ANK3: variants seen among roughly 807,000 people sequenced by gnomAD.
ANK3 encodes ankyrin 3, also known as ankyrin-3.
ANK3 carries 57 observed loss-of-function variants against 370.9 expected under a neutral mutation model. The observed-to-expected ratio is 0.15, with a 90% CI of 0.12 to 0.19. ANK3 has a LOEUF of 0.19. Ranked by LOEUF, ANK3 falls within the 10% of genes least tolerant of loss-of-function variation. ANK3 has a pLI of 1.00. For synonymous variants in ANK3, 1,929 were observed against 1,946.3 expected (o/e 0.99, Z 0.23); for missense variants, 4,439 against 5,302.1 (o/e 0.84, Z 5.06).
chr10:60,382,228 A>AT (rs2061642240), intron 1 of ANK3, among the ~76,000 whole-genome samples: 1 of 151,874 alleles, frequency 6.6e-6, no homozygotes, highest in Non-Finnish European at 1.5e-5. Context: ...CTATTTCCCC[A>AT]TTTTTTACCA....
chr10:60,269,170 G>C (rs2097923400), intron 5 of ANK3, among the ~76,000 whole-genome samples: 1 of 152,144 alleles, frequency 6.6e-6, no homozygotes, highest in Admixed American at 6.5e-5. Context: ...ATTAGCAATA[G>C]ATATCTGGTG....
intron 43 of ANK3, among the ~76,000 whole-genome samples, chr10:60,041,103 C>T (rs371824227): frequency 7.2e-5 from 11 of 152,234 alleles, no homozygotes; most frequent in African/African-American, 2.6e-4. Flanking sequence ...TTTTATTTAG[C>T]CATCCTCACT....
chr10:60,481,765 C>G (rs2075223592), intron 2 of ANK3, among the ~76,000 whole-genome samples: 1 of 152,060 alleles, frequency 6.6e-6, no homozygotes, highest in Non-Finnish European at 1.5e-5. Flanking sequence ...CACCCGGCCA[C>G]AAGCCAGATA....
intron 28 of ANK3, among the ~76,000 whole-genome samples, chr10:60,094,273 C>T (rs928851065): frequency 7.0e-6 from 1 of 142,720 alleles, no homozygotes; most frequent in African/African-American, 2.6e-5. Flanking sequence ...CTACAATTTT[C>T]ACCTCCCGGA....
chr10:60,272,484 G>T (rs1283860859), intron 4 of ANK3, among the ~76,000 whole-genome samples: 1 of 147,152 alleles, frequency 6.8e-6, no homozygotes, highest in Non-Finnish European at 1.5e-5. Context: ...GTTCTTGTTT[G>T]TTTTTTTTTT....
intron 23 of ANK3, among the ~76,000 whole-genome samples, chr10:60,142,074 T>TCAAATA (rs2094594389): frequency 6.6e-6 from 1 of 152,210 alleles, no homozygotes; most frequent in Admixed American, 6.5e-5. Flanking sequence ...AAAGCGTTAT[T>TCAAATA]CAAATACTGT....
At chr10:60,510,327 C>T (rs182364694) in intron 2 of ANK3, among the ~76,000 whole-genome samples, 7 of 152,074 alleles carry the variant, frequency 4.6e-5, no homozygotes, top group South Asian at 2.1e-4. Flanking sequence ...CTGGCACATG[C>T]GTGGTTTTCT....
At chr10:60,338,982 C>A (rs903268677) in intron 1 of ANK3, among the ~76,000 whole-genome samples, 1 of 151,584 alleles carries the variant, frequency 6.6e-6, no homozygotes, top group Admixed American at 6.6e-5. Context: ...GGGAGAGCTT[C>A]ACAGATGTTT....
intron 1 of ANK3, among the ~76,000 whole-genome samples, chr10:60,322,970 C>G (rs1376129340): frequency 6.6e-6 from 1 of 152,074 alleles, no homozygotes; most frequent in Non-Finnish European, 1.5e-5. Context: ...AGATCGTGAG[C>G]TTGGTTTGGA....
chr10:60,707,240 C>T (rs1049883845), intron 1 of ANK3, among the ~76,000 whole-genome samples: 2 of 152,082 alleles, frequency 1.3e-5, no homozygotes, highest in African/African-American at 2.4e-5. Flanking sequence ...TACATAAAAT[C>T]GTTCAATTTT....
chr10:60,120,587 G>A (rs775694058), intron 25 of ANK3, among the ~76,000 whole-genome samples: 9 of 151,546 alleles, frequency 5.9e-5, no homozygotes, highest in South Asian at 2.1e-4. Context: ...ATTAATAACC[G>A]GAATATATAA....
chr10:60,231,083 G>C (rs2097236401), intron 8 of ANK3, among the ~76,000 whole-genome samples: 1 of 152,110 alleles, frequency 6.6e-6, no homozygotes, highest in South Asian at 2.1e-4. Flanking sequence ...GTACTGGCTG[G>C]AAAACTATGA....
intron 2 of ANK3, among the ~76,000 whole-genome samples, chr10:60,526,316 C>T (rs1595208086): frequency 6.6e-6 from 1 of 152,098 alleles, no homozygotes; most frequent in Admixed American, 6.6e-5. Flanking sequence ...CGAATGATTT[C>T]ATCAATGTTA....
intron 25 of ANK3, among the ~76,000 whole-genome samples, chr10:60,132,775 C>T (rs1302775129): frequency 1.3e-5 from 2 of 150,850 alleles, no homozygotes; most frequent in South Asian, 2.1e-4. Flanking sequence ...CACCACGACA[C>T]CTGGCTAATT....
At chr10:60,314,860 CATAAACT>C (rs1255058743) in intron 1 of ANK3, among the ~76,000 whole-genome samples, 3 of 152,176 alleles carry the variant, frequency 2.0e-5, no homozygotes, top group African/African-American at 7.2e-5. Context: ...AAAAACTGGA[CATAAACT>C]ATGAAGGGAA....
chr10:60,289,146 T>C (rs1475655309), intron 1 of ANK3, among the ~76,000 whole-genome samples: 1 of 152,114 alleles, frequency 6.6e-6, no homozygotes, highest in Non-Finnish European at 1.5e-5. Context: ...ATAAGAGGCA[T>C]TCTGAAGGTA....
chr10:60,603,257 C>T (rs2078088697), intron 2 of ANK3, among the ~76,000 whole-genome samples: 1 of 152,064 alleles, frequency 6.6e-6, no homozygotes, highest in African/African-American at 2.4e-5. Flanking sequence ...TATGCAAACC[C>T]CCAGCAGTGA....
chr10:60,184,434 TTAGA>T (rs768901333), intron 17 of ANK3, among the ~76,000 whole-genome samples: 1 of 152,228 alleles, frequency 6.6e-6, no homozygotes, highest in Non-Finnish European at 1.5e-5. Context: ...TGCCTTCTTA[TTAGA>T]TAGTTTCTAA....
At chr10:60,367,327 C>G (rs760537640) in intron 1 of ANK3, among the ~76,000 whole-genome samples, 1 of 152,114 alleles carries the variant, frequency 6.6e-6, no homozygotes, top group Non-Finnish European at 1.5e-5. Flanking sequence ...GAATATTCTC[C>G]AAGTGGGGGA....
Sources: gnomAD v4.1 joint callset for allele counts (sites outside exome capture counted in the v4.1 genomes callset) on GRCh38, gnomAD v4.1.1 for gene constraint, MANE v1.5 for transcripts, NCBI Gene and HGNC (gene_info 2026-07-23, HGNC 2026-07-21) for gene names.